Variants in STMN2 observed in about 807,000 individuals in gnomAD.
STMN2 encodes stathmin 2.
A neutral mutation model predicts 24.1 loss-of-function variants in STMN2; 2 were observed. The ratio of observed to expected loss-of-function variants is 0.08; its 90% CI spans 0.03 to 0.26. The LOEUF is 0.26. Ranked by LOEUF, STMN2 falls within the 10% of genes least tolerant of loss-of-function variation. The pLI is 1.00. For synonymous variants in STMN2, 83 were observed against 77.5 expected (o/e 1.07, Z -0.37); for missense variants, 114 against 213.6 (o/e 0.53, Z 2.91).
chr8:79,664,560 A>G (rs1308096251), intron 4 of STMN2, among the ~76,000 whole-genome samples: 1 of 152,230 alleles, frequency 6.6e-6, no homozygotes, highest in Non-Finnish European at 1.5e-5. Flanking sequence ...CCTAATATTC[A>G]AAACTATCTT....
At position 79,640,005 on chromosome 8, in the gene STMN2, G is replaced by A. The variant is rs563444000; in HGVS notation, c.116-1373G>A. Among the ~76,000 whole-genome samples the A allele has an allele frequency of 2.0e-5, 3 of 152,308 alleles. No individual in the cohort carries two copies. The South Asian group carries it at 6.2e-4, about 32-fold the overall frequency. The stretch of plus-strand genomic sequence containing the variant: ...TCACGAGGTCAGGAGTTCGAGACCA[G>A]CCTGACCAACATGCTGAAACCTTGC... On this transcript the variant is annotated intron_variant, in intron 2 of 4. Coordinates refer to ENST00000220876, the MANE Select transcript of STMN2 (RefSeq NM_007029.4).
chr8:79,620,579 G>A (rs1298847156), intron 1 of STMN2, among the ~76,000 whole-genome samples: 1 of 151,906 alleles, frequency 6.6e-6, no homozygotes, highest in African/African-American at 2.4e-5. Flanking sequence ...TAGTAATAAT[G>A]GTAATTTATA....
intron 4 of STMN2, among the ~76,000 whole-genome samples, chr8:79,655,763 A>T (rs1806336412): frequency 6.6e-6 from 1 of 152,120 alleles, no homozygotes; most frequent in South Asian, 2.1e-4. Flanking sequence ...CCCTCAAAAA[A>T]CCTTTCCTTT....
intron 4 of STMN2, among the ~76,000 whole-genome samples, chr8:79,659,712 G>A (rs942473514): frequency 2.0e-5 from 3 of 152,032 alleles, no homozygotes; most frequent in Admixed American, 6.6e-5. Flanking sequence ...CCAATCTTTC[G>A]ATGTAGTTGG....
At chr8:79,622,657 G>A (rs1242516145) in intron 1 of STMN2, among the ~76,000 whole-genome samples, 1 of 152,088 alleles carries the variant, frequency 6.6e-6, no homozygotes, top group African/African-American at 2.4e-5. Flanking sequence ...CTCATTTCAT[G>A]TTTCCCTATC....
At chr8:79,648,388 G>C (rs564575328) in intron 3 of STMN2, among the ~76,000 whole-genome samples, 1 of 148,380 alleles carries the variant, frequency 6.7e-6, no homozygotes, top group African/African-American at 2.5e-5. Context: ...GCAAACTCAT[G>C]ATTTTATAAA....
chr8:79,664,688 C>CTCT, intron 4 of STMN2, 127 bp from the exon 5 acceptor site: 1 of 673,354 alleles, frequency 1.5e-6, no homozygotes, highest in Non-Finnish European at 2.3e-6. Flanking sequence ...CCCATATTTT[C>CTCT]CTTCTGAAAT....
In STMN2 at chr8:79,617,794, TA is replaced by T. The variant is rs1809418736; in HGVS notation, c.19+6583del. ...TTCAACTGTTTTTCTGGTGTATTCA[TA>T]AATTCCAGATTCTCTATGGGAAGTA... On this transcript the variant is annotated intron_variant, in intron 1 of 4. Transcript: ENST00000220876. Among the ~76,000 whole-genome samples, 3 of 152,372 alleles carry T rather than the reference TA, an allele frequency of 2.0e-5. No individual in the cohort carries two copies. In the South Asian group the frequency reaches 6.2e-4, roughly 32 times the overall value.
chr8:79,641,595 T>C (rs759462220), intron 3 of STMN2, 45 bp downstream of exon 3: 2 of 1,522,122 alleles, frequency 1.3e-6, no homozygotes, highest in Admixed American at 3.8e-5. Flanking sequence ...CCTCCCCTGC[T>C]CCTCCCTCTC....
At chr8:79,638,343 T>C (rs150552295) in intron 2 of STMN2, among the ~76,000 whole-genome samples, 1 of 152,364 alleles carries the variant, frequency 6.6e-6, no homozygotes, top group East Asian at 1.9e-4. Context: ...AAGTTATGTG[T>C]GAGCTGATTC....
rs1320736929 is a variant in STMN2, at chr8:79,641,405, G to A, written c.143G>A (p.Arg48His). 1 of 1,613,780 alleles carries A rather than the reference G, an allele frequency of 6.2e-7. No homozygotes were observed. The highest frequency in any genetic ancestry group is 8.5e-7 in the Non-Finnish European group (1 of 1,179,894). Residue 48 changes from arginine to histidine, a missense_variant, in exon 3 of 5, where the codon CGT becomes CAT. Physicochemically the swap from Arg to His is conservative, Grantham distance 29. Coordinates refer to ENST00000220876, the MANE Select transcript of STMN2 (RefSeq NM_007029.4). The stretch of plus-strand genomic sequence containing the variant: ...ATGGAAGTGAAGCAAATCAACAAAC[G>A]TGCCTCTGGCCAGGCTTTTGAGCTG... ...DDMEVKQINK[R>H]ASGQAFELIL... is the part of the protein sequence containing the mutation.
chr8:79,618,963 T>C (rs1307415148), intron 1 of STMN2, among the ~76,000 whole-genome samples: 1 of 152,172 alleles, frequency 6.6e-6, no homozygotes, highest in African/African-American at 2.4e-5. Flanking sequence ...AAGTTATGGG[T>C]TTCAAAATTT....
chr8:79,645,679 T>TTAGGATGTACTGTAAGTAA (rs145092909), intron 3 of STMN2, among the ~76,000 whole-genome samples: 15,741 of 152,074 alleles, frequency 0.1, 1,139 homozygotes, highest in Middle Eastern at 0.16. Flanking sequence ...AGTGTGAAGT[T>TTAGGATGTACTGTAAGTAA]TAGGATGTAC....
At chr8:79,646,311 G>A (rs1163854326) in intron 3 of STMN2, among the ~76,000 whole-genome samples, 2 of 151,914 alleles carry the variant, frequency 1.3e-5, no homozygotes, top group Non-Finnish European at 2.9e-5. Flanking sequence ...ATTCCAGTGG[G>A]GGAGAAAGAG....
chr8:79,631,302 T>G (rs1269614618), intron 1 of STMN2: 5 of 356,998 alleles, frequency 1.4e-5, no homozygotes, highest in Non-Finnish European at 2.0e-5. Flanking sequence ...TTGTACTGCT[T>G]TGACCTTCTT....
chr8:79,625,900 A>T (rs1427617901), intron 1 of STMN2, among the ~76,000 whole-genome samples: 1 of 152,160 alleles, frequency 6.6e-6, no homozygotes, highest in Non-Finnish European at 1.5e-5. Flanking sequence ...TGGAGGTTGC[A>T]GTGAGCCGAG....
At chr8:79,662,136 G>T (rs1311252052) in intron 4 of STMN2, among the ~76,000 whole-genome samples, 2 of 152,082 alleles carry the variant, frequency 1.3e-5, no homozygotes, top group Non-Finnish European at 2.9e-5. Flanking sequence ...GAAAGAATTA[G>T]AGGACCAGAA....
At chr8:79,635,831 C>T (rs1286440283) in intron 1 of STMN2, among the ~76,000 whole-genome samples, 1 of 151,956 alleles carries the variant, frequency 6.6e-6, no homozygotes, top group Non-Finnish European at 1.5e-5. Context: ...GATTTACACC[C>T]CAAACATCAG....
chr8:79,629,454 T>C, intron 1 of STMN2, among the ~76,000 whole-genome samples: 1 of 152,308 alleles, frequency 6.6e-6, no homozygotes, highest in Middle Eastern at 3.4e-3. Context: ...AACTAATGCT[T>C]CACACTGTGC....
Sources: gnomAD v4.1 joint callset for allele counts (sites outside exome capture counted in the v4.1 genomes callset) on GRCh38, gnomAD v4.1.1 for gene constraint, MANE v1.5 for transcripts, NCBI Gene and HGNC (gene_info 2026-07-23, HGNC 2026-07-21) for gene names.